The following SIK2 variants were observed in gnomAD, a reference collection of about 807,000 sequenced individuals.
The protein encoded by SIK2 is salt inducible kinase 2, also known as serine/threonine-protein kinase SIK2.
A neutral mutation model predicts 103.2 loss-of-function variants in SIK2; 29 were observed. The ratio of observed to expected loss-of-function variants is 0.28; its 90% confidence interval spans 0.21 to 0.38. SIK2 has a LOEUF of 0.38. SIK2 is among the 10% of genes least tolerant of loss of function. SIK2 has a pLI of 1.00. For synonymous variants in SIK2, 412 were observed against 446.1 expected (o/e 0.92, Z 0.96); for missense variants, 879 against 1,171.0 (o/e 0.75, Z 3.64).
chr11:111,708,557 A>C (rs1943412971), intron 8 of SIK2, among the ~76,000 whole-genome samples: 1 of 151,986 alleles, frequency 6.6e-6, no homozygotes, highest in Non-Finnish European at 1.5e-5. Context: ...TTTCTCATAC[A>C]TTCTAACCAC....
chr11:111,721,852 A>G lies in SIK2; in HGVS notation c.1967A>G (p.Glu656Gly). The G allele has an allele frequency of 6.2e-7, 1 of 1,610,324 alleles. No individual in the cohort carries two copies. The highest frequency in any genetic ancestry group is 1.1e-5 in the South Asian group (1 of 90,556). Residue 656 changes from glutamate (E) to glycine (G), a missense_variant, in exon 13 of 15, where the codon GAA becomes GGA. Coordinates refer to ENST00000304987, the MANE Select transcript of SIK2 (RefSeq NM_015191.3). ...CAGGAAGAAGTTTCTCAGCAGCAGGAAAGCGTCTCCACTCTCCCTGCCAGC... is the reference window on the plus strand; with the variant it reads ...CAGGAAGAAGTTTCTCAGCAGCAGGGAAGCGTCTCCACTCTCCCTGCCAGC... ...CPQEEVSQQQ[E>G]SVSTLPASVH...
chr11:111,722,939 G>A lies in SIK2; in HGVS notation c.2147+183G>A, dbSNP rs915527541. Among the ~76,000 whole-genome samples the A allele has an allele frequency of 1.3e-5, 2 of 152,206 alleles. No homozygotes were observed. The highest frequency in any genetic ancestry group is 4.8e-5 in the African/African-American group (2 of 41,450). On this transcript the variant is annotated intron_variant, in intron 14 of 14. Coordinates refer to ENST00000304987, the MANE Select transcript of SIK2 (RefSeq NM_015191.3). This position sits in a 1 kb window ranked among gnomAD's most constrained non-coding sequence, Gnocchi z 4.4. Reference sequence around the variant, plus strand: ...CTCAGTATCCATGGAGGATGGTCCTGTCAGGCACTGGCAGCCCCACAGTGT... The same window carrying A: ...CTCAGTATCCATGGAGGATGGTCCTATCAGGCACTGGCAGCCCCACAGTGT...
At chr11:111,708,869 C>T (rs1943421661) in intron 8 of SIK2, among the ~76,000 whole-genome samples, 1 of 152,150 alleles carries the variant, frequency 6.6e-6, no homozygotes, top group African/African-American at 2.4e-5. Context: ...ATTGCAGGAC[C>T]TGATGAAGGT....
chr11:111,704,103 G>A (rs947650449), intron 7 of SIK2, among the ~76,000 whole-genome samples: 1 of 152,176 alleles, frequency 6.6e-6, no homozygotes, highest in African/African-American at 2.4e-5. Context: ...CCAAGGCTCC[G>A]GGCTGTGCTG....
At chr11:111,703,170 C>T in intron 6 of SIK2, 33 bp from the exon 7 acceptor site, 1 of 1,599,694 alleles carries the variant, frequency 6.3e-7, no homozygotes, top group Non-Finnish European at 8.6e-7. Flanking sequence ...CAAGGTGATT[C>T]TTGTGACTTT....
intron 3 of SIK2, among the ~76,000 whole-genome samples, chr11:111,677,412 G>GT (rs1424203639): frequency 2.0e-5 from 3 of 151,412 alleles, no homozygotes; most frequent in African/African-American, 7.3e-5. Flanking sequence ...GATTAAAGTT[G>GT]TTTTTTGTTT....
At chr11:111,641,665 C>G (rs1312338009) in intron 3 of SIK2, among the ~76,000 whole-genome samples, 1 of 152,140 alleles carries the variant, frequency 6.6e-6, no homozygotes, top group Non-Finnish European at 1.5e-5. Context: ...TCAGTCTTTC[C>G]TGTGCACAGA....
In SIK2 at chr11:111,729,633, T is replaced by C. The variant is rs1478275618; in HGVS notation, c.*5504T>C. On this transcript the variant is annotated 3_prime_UTR_variant, in exon 15 of 15. Transcript: ENST00000304987. ...CTCTCTTTCCCTTCTCTTTCCTCAG[T>C]AGCATCTGACTCTTTTCATAAGCAA... 1.3e-5 allele frequency: 2 copies of C among 152,286 alleles called. No homozygotes were observed. The highest frequency in any genetic ancestry group is 4.8e-5 in the African/African-American group (2 of 41,462). The allele number at this position is 152,286 out of a possible 1,614,324, so 9.4% of individuals were successfully genotyped here.
chr11:111,704,900 T>G, intron 7 of SIK2, 87 bp from the exon 8 acceptor site: 1 of 1,428,612 alleles, frequency 7.0e-7, no homozygotes, highest in Non-Finnish European at 9.3e-7. Flanking sequence ...GAGCACACAA[T>G]TTCTTTCCTC....
intron 3 of SIK2, among the ~76,000 whole-genome samples, chr11:111,639,804 T>G (rs919776334): frequency 6.6e-6 from 1 of 152,178 alleles, no homozygotes; most frequent in Non-Finnish European, 1.5e-5. Context: ...TGACTCAGGA[T>G]TTTCAGTGAA....
intron 3 of SIK2, among the ~76,000 whole-genome samples, chr11:111,655,812 A>G (rs1345925171): frequency 1.3e-5 from 2 of 152,120 alleles, no homozygotes; most frequent in African/African-American, 4.8e-5. Context: ...AATGTTTCTT[A>G]TTTATATTTG....
intron 3 of SIK2, among the ~76,000 whole-genome samples, chr11:111,621,164 G>T (rs493810): frequency 0.6 from 90,497 of 152,064 alleles, 30,081 homozygotes; most frequent in East Asian, 0.96. Flanking sequence ...TTGTGAAACA[G>T]TCACCACAGT....
intron 4 of SIK2, among the ~76,000 whole-genome samples, chr11:111,692,985 T>C (rs776348115): frequency 1.3e-5 from 2 of 152,130 alleles, no homozygotes; most frequent in Non-Finnish European, 2.9e-5. Context: ...TTTTAATAAA[T>C]AACAGAAACA....
intron 9 of SIK2, among the ~76,000 whole-genome samples, chr11:111,718,519 G>A (rs891424351): frequency 9.2e-5 from 14 of 152,190 alleles, no homozygotes; most frequent in African/African-American, 2.7e-4. Flanking sequence ...CACCTTACCC[G>A]AGTGAGGGCT....
rs954463457 is a variant in SIK2 at position 111,701,372 on chromosome 11, A to G, written c.604-80A>G. On this transcript the variant is annotated intron_variant, in intron 5 of 14. Transcript: ENST00000304987. The surrounding 1 kb of genome is among the most constrained non-coding windows in gnomAD (Gnocchi z 4.2). ...GAATTTTTCAGTCCATATGATTTCA[A>G]GAGCCCTGGGGATGTTCAGGAAAAC... 3.0e-5 allele frequency: 45 copies of G among 1,507,370 alleles called. No homozygotes were observed. Among genetic ancestry groups the G allele is most frequent in the Non-Finnish European group, 3.6e-5 (40 of 1,121,446 alleles). The allele number at this position is 1,507,370 out of a possible 1,614,324, so 93.4% of individuals were successfully genotyped here. A position where few individuals can be genotyped will look rare whatever the true frequency, so the allele number is the denominator to read the frequency against.
At chr11:111,713,966 C>G (rs957653835) in intron 9 of SIK2, among the ~76,000 whole-genome samples, 1 of 147,432 alleles carries the variant, frequency 6.8e-6, no homozygotes, top group Non-Finnish European at 1.5e-5. Context: ...GACTGCATCT[C>G]AAAAAAAAAA....
In SIK2 at chr11:111,699,727, A is replaced by G. The variant is rs149465630; in HGVS notation, c.479-1159A>G. 3.1e-4 allele frequency among the ~76,000 whole-genome samples: 47 copies of G among 152,324 alleles called. No individual in the cohort carries two copies. In the East Asian group the frequency reaches 8.7e-3, roughly 28 times the overall value. On this transcript the variant is annotated intron_variant, in intron 4 of 14. Coordinates refer to ENST00000304987, the MANE Select transcript of SIK2 (RefSeq NM_015191.3). ...GCACATGTATGTATGGTCTCAAGGT[A>G]TGAATGGAGTGAGCTTATTTTAACA...
chr11:111,724,458 T>G lies in SIK2; in HGVS notation c.*329T>G. 3.1e-6 allele frequency: 1 copy of G among 318,056 alleles called. No individual in the cohort carries two copies. The highest frequency in any genetic ancestry group is 4.9e-5 in the South Asian group (1 of 20,374). 19.7% of individuals were successfully genotyped at this position (318,056 alleles called of 1,614,324 possible). On this transcript the variant is annotated 3_prime_UTR_variant, in exon 15 of 15. Coordinates refer to ENST00000304987, the MANE Select transcript of SIK2 (RefSeq NM_015191.3). ...GACCCAGGTGTTATGCAGGATTACA[T>G]CCGTTTATTATCAAGGGCAACCTTG...
intron 1 of SIK2, among the ~76,000 whole-genome samples, chr11:111,612,915 G>GATATATATATAT (rs67675103): frequency 0.072 from 3,406 of 47,076 alleles, 127 homozygotes; most frequent in South Asian, 0.14. Flanking sequence ...ATAGCAATGG[G>GATATATATATAT]ATATATATAT....
Sources: allele counts gnomAD v4.1 joint callset (sites outside exome capture counted in the v4.1 genomes callset), GRCh38; gene constraint gnomAD v4.1.1; non-coding constraint Gnocchi (gnomAD v3.1); transcripts MANE v1.5; gene names NCBI Gene and HGNC (gene_info 2026-07-23, HGNC 2026-07-21).